The following CASP8 variants were observed in gnomAD, a reference collection of about 807,000 sequenced individuals.
The protein encoded by CASP8 is caspase-8.
A neutral mutation model predicts 46.3 loss-of-function variants in CASP8; 24 were observed. The observed-to-expected ratio is 0.52, with a 90% CI of 0.38 to 0.73. CASP8 has a LOEUF of 0.73. Ranked by LOEUF, CASP8 falls within the 30% of genes least tolerant of loss-of-function variation. The pLI, the probability that CASP8 is intolerant of heterozygous loss-of-function variation, is 0.00. For missense variants in CASP8, 460 were observed against 559.0 expected, an observed-to-expected ratio of 0.82 and a Z score of 1.79; for synonymous variants, 188 against 200.4, an observed-to-expected ratio of 0.94 and a Z score of 0.52.
At chr2:201,265,693 T>A (rs1320527837) in intron 1 of CASP8, among the ~76,000 whole-genome samples, 1 of 152,152 alleles carries the variant, frequency 6.6e-6, no homozygotes. Flanking sequence ...CTTTGTGACA[T>A]GGTACCTGGC....
chr2:201,279,569 A>G (rs1948866721), intron 7 of CASP8, among the ~76,000 whole-genome samples: 1 of 152,218 alleles, frequency 6.6e-6, no homozygotes, highest in South Asian at 2.1e-4. Context: ...CACATCCACA[A>G]ACACAGAGCT....
chr2:201,269,427 G>GGAC (rs1948076546), intron 2 of CASP8: 2 of 845,172 alleles, frequency 2.4e-6, no homozygotes, highest in Non-Finnish European at 4.0e-6. Flanking sequence ...TAAGGCGCCA[G>GGAC]TTAGTCCTAA....
intron 2 of CASP8, among the ~76,000 whole-genome samples, chr2:201,236,854 C>T (rs1311695700): frequency 2.6e-5 from 4 of 152,200 alleles, no homozygotes; most frequent in African/African-American, 9.6e-5. Context: ...TATCCATCTG[C>T]CTCGGCTGCC....
intron 2 of CASP8, among the ~76,000 whole-genome samples, chr2:201,245,560 C>T (rs182858588): frequency 2.0e-4 from 31 of 152,196 alleles, no homozygotes; most frequent in Middle Eastern, 3.4e-3. Flanking sequence ...GATAACCATC[C>T]GGAGTATCAT....
At chr2:201,277,861 T>A (rs1461811094) in intron 7 of CASP8, 14 of 268,670 alleles carry the variant, frequency 5.2e-5, no homozygotes, top group Non-Finnish European at 7.3e-6. Context: ...CCACCACACA[T>A]GGCTAATTTT....
At chr2:201,241,333 A>G (rs998950194) in intron 2 of CASP8, 10 of 152,200 alleles carry the variant, frequency 6.6e-5, no homozygotes, top group Admixed American at 2.0e-4. Flanking sequence ...TAAGAAAGAG[A>G]GAAGACTCAA....
chr2:201,257,941 T>C, upstream of CASP8: 1 of 427,476 alleles, frequency 2.3e-6, no homozygotes, highest in Non-Finnish European at 4.4e-6. Flanking sequence ...GGGCTTTAGT[T>C]TGCACGTCCA....
Position 201,272,982 on chromosome 2 carries a change from A to G in CASP8, c.595+40A>G, listed in dbSNP as rs767031262. The G allele has an allele frequency of 7.9e-5, 123 of 1,551,772 alleles. No individual in the cohort carries two copies. The highest frequency in any genetic ancestry group is 9.9e-5 in the Non-Finnish European group (111 of 1,124,426). On this transcript the variant is annotated intron_variant, in intron 5 of 8. Transcript: ENST00000673742. The surrounding 1 kb of genome is among the most constrained non-coding windows in gnomAD (Gnocchi z 4.4). ...TACATTTTCAAGATTTAGTTAATTT[A>G]CTATCTGGTACCTGCATGTGTCCTC...
chr2:201,238,798 T>C (rs1946167781), intron 2 of CASP8, among the ~76,000 whole-genome samples: 2 of 152,154 alleles, frequency 1.3e-5, no homozygotes, highest in East Asian at 3.8e-4. Context: ...TTGATCATTC[T>C]TGGGTGTTTC....
chr2:201,265,454 C>T (rs1358652195), intron 1 of CASP8, among the ~76,000 whole-genome samples: 2 of 151,932 alleles, frequency 1.3e-5, no homozygotes, highest in South Asian at 2.1e-4. Context: ...GATGCAAAGA[C>T]ATACAGAGGG....
chr2:201,266,675 G>A lies in CASP8; in HGVS notation c.189G>A (p.Lys63=). Residue 63 remains lysine (K), a synonymous_variant, in exon 2 of 9, where the codon AAG becomes AAA. Coordinates refer to ENST00000673742, the MANE Select transcript of CASP8 (RefSeq NM_001372051.1). The surrounding 1 kb of genome is among the most constrained non-coding windows in gnomAD (Gnocchi z 5.7). ...AGGAAAGCAATCTGTCCTTCCTGAA[G>A]GAGCTGCTCTTCCGAATTAATAGAC... ...MLEESNLSFL[K]ELLFRINRLD... The A allele has an allele frequency of 6.2e-7, 1 of 1,614,068 alleles. No individual in the cohort carries two copies. Among genetic ancestry groups the A allele is most frequent in the South Asian group, 1.1e-5 (1 of 91,062 alleles).
chr2:201,264,103 G>A (rs1300223045), intron 1 of CASP8, among the ~76,000 whole-genome samples: 2 of 152,192 alleles, frequency 1.3e-5, no homozygotes, highest in African/African-American at 4.8e-5. Context: ...TGTAGATCAC[G>A]CAGGCTCAAC....
upstream of CASP8, among the ~76,000 whole-genome samples, chr2:201,260,097 C>T (rs1337443614): frequency 6.6e-6 from 1 of 151,756 alleles, no homozygotes; most frequent in East Asian, 1.9e-4. Flanking sequence ...AGTTCACAGC[C>T]ACCCTGAGAA....
intron 2 of CASP8, chr2:201,241,090 A>T (rs977473232): frequency 2.0e-5 from 3 of 152,228 alleles, no homozygotes; most frequent in Admixed American, 2.0e-4. Context: ...AAGAAGAAAG[A>T]TCTCAAGTAA....
In CASP8 at chr2:201,269,366, G is replaced by A. The variant is rs1435895965; in HGVS notation, c.306-2150G>A. The stretch of plus-strand genomic sequence containing the variant: ...AGAACACTATTCAACCAGTACACTA[G>A]ATAGCTTTGGTTTACTAGCATTGTG... On this transcript the variant is annotated intron_variant, in intron 2 of 8. Coordinates refer to ENST00000673742, the MANE Select transcript of CASP8 (RefSeq NM_001372051.1). 4.5e-5 allele frequency: 29 copies of A among 642,218 alleles called. 1 individual carries two copies. The South Asian group carries it at 4.7e-4, about 10-fold the overall frequency. The allele number at this position is 642,218 out of a possible 1,614,324, so 39.8% of individuals were successfully genotyped here.
At position 201,272,318 on chromosome 2, in the gene CASP8, G is replaced by A. The variant is rs770208315; in HGVS notation, c.412-320G>A. Among the ~76,000 whole-genome samples the A allele has an allele frequency of 6.6e-6, 1 of 152,118 alleles. No homozygotes were observed. Among genetic ancestry groups the A allele is most frequent in the Non-Finnish European group, 1.5e-5 (1 of 68,030 alleles). ...AGGCTGTTCCCCAGGGTGTCACCATGATGACCGGGCTGCTGTCTCAGGTTG... is the reference window on the plus strand; with the variant it reads ...AGGCTGTTCCCCAGGGTGTCACCATAATGACCGGGCTGCTGTCTCAGGTTG... On this transcript the variant is annotated intron_variant, in intron 3 of 8. Coordinates refer to ENST00000673742, the MANE Select transcript of CASP8 (RefSeq NM_001372051.1). The surrounding 1 kb of genome is among the most constrained non-coding windows in gnomAD (Gnocchi z 4.4).
intron 7 of CASP8, among the ~76,000 whole-genome samples, chr2:201,283,344 G>A (rs1949267719): frequency 3.5e-4 from 25 of 72,450 alleles, no homozygotes; most frequent in Admixed American, 2.5e-3. Context: ...AGGGGCGGCC[G>A]GGCAGAGGCG....
Position 201,276,956 on chromosome 2 carries a change from C to T in CASP8, c.790C>T (p.His264Tyr). 1.2e-6 allele frequency: 2 copies of T among 1,612,192 alleles called. No homozygotes were observed. The highest frequency in any genetic ancestry group is 2.2e-5 in the South Asian group (2 of 91,042). The stretch of plus-strand genomic sequence containing the variant: ...CAGCATTAGGGACAGGAATGGAACA[C>T]ACTTGGATGCAGGTACAGTAGAACC... ...LHSIRDRNGT[H>Y]LDAGALTTTF... The change falls in exon 7 of 9, where the codon CAC (histidine) becomes TAC (tyrosine). Residue 264 changes from histidine (H) to tyrosine (Y), a missense_variant. Transcript: ENST00000673742.
chr2:201,273,997 T>A (rs1948466052), intron 5 of CASP8, among the ~76,000 whole-genome samples: 1 of 152,202 alleles, frequency 6.6e-6, no homozygotes, highest in Admixed American at 6.5e-5. Context: ...TTATATACAC[T>A]AATTGAAGAT....
Sources: gnomAD v4.1 joint callset for allele counts (sites outside exome capture counted in the v4.1 genomes callset) on GRCh38, gnomAD v4.1.1 for gene constraint, Gnocchi (gnomAD v3.1) non-coding constraint, MANE v1.5 for transcripts, NCBI Gene and HGNC (gene_info 2026-07-23, HGNC 2026-07-21) for gene names.